The following FGFR1 variants were observed in gnomAD, a reference collection of about 807,000 sequenced individuals.
FGFR1 encodes FGFR1/PLAG1 fusion.
Under a neutral mutation model 93.7 loss-of-function variants are expected in FGFR1, and 18 were observed. The observed-to-expected ratio is 0.19, with a 90% CI of 0.13 to 0.28. FGFR1 has a LOEUF of 0.28. Ranked by LOEUF, FGFR1 falls within the 10% of genes least tolerant of loss-of-function variation. The pLI is 1.00. For missense variants in FGFR1, 731 were observed against 1,080.4 expected (o/e 0.68, Z 4.53); for synonymous variants, 448 against 429.3 (o/e 1.04, Z -0.54).
chr8:38,414,440 GTT>G (rs1815558724), intron 15 of FGFR1, 117 bp downstream of exon 15: 1 of 1,535,284 alleles, frequency 6.5e-7, no homozygotes, highest in African/African-American at 1.4e-5. Flanking sequence ...CACAGACAAT[GTT>G]TTGTTTTTCT....
At chr8:38,446,077 G>C (rs1427770363) in intron 2 of FGFR1, among the ~76,000 whole-genome samples, 1 of 152,098 alleles carries the variant, frequency 6.6e-6, no homozygotes, top group Non-Finnish European at 1.5e-5. Flanking sequence ...TGAAAGCTGT[G>C]GCAGAGCAGG....
intron 2 of FGFR1, chr8:38,435,685 C>T (rs1474637863): frequency 6.6e-6 from 1 of 152,248 alleles, no homozygotes; most frequent in African/African-American, 2.4e-5. Context: ...CTCTTCAGCT[C>T]CAGCTGCCCT....
At chr8:38,416,465 T>TC (rs1816675634) in intron 12 of FGFR1, among the ~76,000 whole-genome samples, 1 of 144,874 alleles carries the variant, frequency 6.9e-6, no homozygotes, top group South Asian at 2.3e-4. Context: ...TTTTTTTTTT[T>TC]TTTTTTTTTG....
At chr8:38,453,426 A>G (rs1425612956) in intron 2 of FGFR1, among the ~76,000 whole-genome samples, 1 of 152,206 alleles carries the variant, frequency 6.6e-6, no homozygotes, top group East Asian at 1.9e-4. Context: ...ATGAGCACAC[A>G]TTCATTATCA....
chr8:38,415,743 A>G, intron 13 of FGFR1, 127 bp downstream of exon 13: 1 of 932,364 alleles, frequency 1.1e-6, no homozygotes, highest in Non-Finnish European at 1.7e-6. Context: ...GACAACACAC[A>G]GGGCACACAG....
intron 2 of FGFR1, among the ~76,000 whole-genome samples, chr8:38,431,636 T>C (rs972888833): frequency 1.3e-5 from 2 of 152,146 alleles, no homozygotes; most frequent in African/African-American, 4.8e-5. Context: ...TGACAGGGAC[T>C]GACAGTGGTT....
At chr8:38,455,556 G>T (rs1159778291) in intron 2 of FGFR1, among the ~76,000 whole-genome samples, 1 of 152,202 alleles carries the variant, frequency 6.6e-6, no homozygotes, top group Non-Finnish European at 1.5e-5. Context: ...CTCCCAAAGT[G>T]CTGGGATTAC....
At chr8:38,446,168 C>T (rs956950432) in intron 2 of FGFR1, among the ~76,000 whole-genome samples, 1 of 151,130 alleles carries the variant, frequency 6.6e-6, no homozygotes, top group Non-Finnish European at 1.5e-5. Flanking sequence ...TCTCCTCCCC[C>T]ATGCCTCCAA....
At chr8:38,425,164 A>G (rs1820296698) in intron 6 of FGFR1, among the ~76,000 whole-genome samples, 2 of 151,230 alleles carry the variant, frequency 1.3e-5, no homozygotes, top group Non-Finnish European at 2.9e-5. Flanking sequence ...TTTTAAAGGC[A>G]GGGTCTCACT....
intron 6 of FGFR1, chr8:38,425,902 C>T (rs778471351): frequency 1.6e-6 from 1 of 615,780 alleles, no homozygotes; most frequent in Non-Finnish European, 2.9e-6. Context: ...TTCACAGTGA[C>T]AACCAGCTTT....
rs570038633 is a variant in FGFR1 at position 38,411,806 on chromosome 8, T to G, written c.*1822A>C. 85 of 229,738 alleles carry G rather than the reference T, an allele frequency of 3.7e-4. No homozygotes were observed. Among genetic ancestry groups the G allele is most frequent in the Middle Eastern group, 2.6e-3 (2 of 760 alleles). 14.2% of individuals were successfully genotyped at this position (229,738 alleles called of 1,614,324 possible). The stretch of plus-strand genomic sequence containing the variant: ...ATTCGGAGAATTTTCCCCCCGTTCC[T>G]GAGGGACAGGATGGAGTTTGGACAG... On this transcript the variant is annotated 3_prime_UTR_variant, in exon 18 of 18. Transcript: ENST00000447712.
intron 2 of FGFR1, chr8:38,434,439 G>GC: frequency 2.5e-6 from 1 of 394,654 alleles, no homozygotes; most frequent in South Asian, 2.8e-5. Flanking sequence ...ACTGATGGAA[G>GC]TCAACTGCTT....
chr8:38,414,969 C>T, intron 13 of FGFR1, 68 bp from the exon 14 acceptor site: 1 of 1,380,544 alleles, frequency 7.2e-7, no homozygotes, highest in African/African-American at 1.4e-5. Context: ...GGGCGGCCGC[C>T]ACCCATGCAA....
Position 38,426,202 on chromosome 8 carries a change from G to A in FGFR1, c.665C>T (p.Pro222Leu), listed in dbSNP as rs2150863436. The change falls in exon 6 of 18, where the codon CCC (proline) becomes CTC (leucine). Residue 222 changes from proline to leucine, a missense_variant. Pro to Leu is a moderately conservative substitution (Grantham distance 98). Transcript: ENST00000447712. This position sits in a 1 kb window ranked among gnomAD's most constrained non-coding sequence, Gnocchi z 4.1. Reference protein sequence around the residue: ...TWSIIMDSVVPSDKGNYTCIV... With the variant: ...TWSIIMDSVVLSDKGNYTCIV... ...GCAGGTGTAGTTGCCCTTGTCAGAGGGCACCACAGAGTCCATTATGATGCT... is the reference window on the plus strand; with the variant it reads ...GCAGGTGTAGTTGCCCTTGTCAGAGAGCACCACAGAGTCCATTATGATGCT... 1 of 1,614,182 alleles carries A rather than the reference G, an allele frequency of 6.2e-7. No individual in the cohort carries two copies. The highest frequency in any genetic ancestry group is 1.1e-5 in the South Asian group (1 of 91,078).
At chr8:38,443,878 A>G (rs1828397525) in intron 2 of FGFR1, among the ~76,000 whole-genome samples, 1 of 151,752 alleles carries the variant, frequency 6.6e-6, no homozygotes, top group South Asian at 2.1e-4. Flanking sequence ...ACATGGAGAA[A>G]CCCCGTGTCT....
chr8:38,437,777 A>G (rs1825934521), intron 2 of FGFR1, among the ~76,000 whole-genome samples: 1 of 152,218 alleles, frequency 6.6e-6, no homozygotes, highest in Non-Finnish European at 1.5e-5. Flanking sequence ...CCCAGGGAAC[A>G]CACCTCTCTG....
At chr8:38,463,021 C>T (rs1461595228) in intron 1 of FGFR1, 1 of 152,022 alleles carries the variant, frequency 6.6e-6, no homozygotes, top group African/African-American at 2.4e-5. Context: ...CCTCCCACCT[C>T]AGCCTCCTGA....
In FGFR1 at chr8:38,468,604, C is replaced by A. The variant is rs1235510249; in HGVS notation, c.-712G>T. ...CCGCCCGCCGCCGAGGACGCCGCGC[C>A]TGTGGCCGCAAGAGCGCTCCGAGCG... is the stretch of plus-strand genomic sequence containing the variant. On this transcript the variant is annotated 5_prime_UTR_variant, in exon 1 of 18. It adds an upstream start codon to the 5' untranslated region. Coordinates refer to ENST00000447712, the MANE Select transcript of FGFR1 (RefSeq NM_023110.3). The A allele has an allele frequency of 4.3e-6, 1 of 230,068 alleles. No homozygotes were observed. The highest frequency in any genetic ancestry group is 6.1e-5 in the East Asian group (1 of 16,436). 14.3% of individuals were successfully genotyped at this position (230,068 alleles called of 1,614,324 possible).
rs377555354 is a variant in FGFR1, at chr8:38,429,928, C to G, written c.112G>C (p.Val38Leu). The change falls in exon 3 of 18, where the codon GTG becomes CTG. Residue 38 changes from valine (V) to leucine (L), a missense_variant. By Grantham distance (32) the Val-to-Leu change is conservative. Coordinates refer to ENST00000447712, the MANE Select transcript of FGFR1 (RefSeq NM_023110.3). This position sits in a 1 kb window ranked among gnomAD's most constrained non-coding sequence, Gnocchi z 4.4. ...TGGACCAGGAAGGACTCCACTTCCA[C>G]AGGGGCTCCCCAGGGCTGGGCTGCA... ...PEQAQPWGAP[V>L]EVESFLVHPG... The G allele has an allele frequency of 1.2e-6, 2 of 1,611,758 alleles. No individual in the cohort carries two copies. The highest frequency in any genetic ancestry group is 2.7e-5 in the African/African-American group (2 of 74,902).
Sources: allele counts gnomAD v4.1 joint callset (sites outside exome capture counted in the v4.1 genomes callset), GRCh38; gene constraint gnomAD v4.1.1; non-coding constraint Gnocchi (gnomAD v3.1); transcripts MANE v1.5; gene names NCBI Gene and HGNC (gene_info 2026-07-23, HGNC 2026-07-21).